Variants in VPS41 observed in about 807,000 individuals in gnomAD.
VPS41 encodes the protein VPS41 subunit of HOPS complex, also known as vacuolar protein sorting-associated protein 41 homolog.
VPS41 carries 85 observed loss-of-function variants against 130.9 expected under a neutral mutation model. The ratio of observed to expected loss-of-function variants is 0.65; its 90% CI spans 0.55 to 0.78. VPS41 has a LOEUF of 0.78. VPS41 is among the 30% of genes least tolerant of loss of function. The pLI is 0.00. For synonymous variants in VPS41, 335 were observed against 332.9 expected (o/e 1.01, Z -0.07); for missense variants, 874 against 1,018.7 (o/e 0.86, Z 1.93).
At chr7:38,738,136 C>A (rs889720460) in intron 25 of VPS41, among the ~76,000 whole-genome samples, 3 of 152,174 alleles carry the variant, frequency 2.0e-5, no homozygotes, top group Non-Finnish European at 1.5e-5. Flanking sequence ...CACCATGACA[C>A]CTCTTTAGAA....
chr7:38,724,836 C>T lies in VPS41; in HGVS notation c.*1410G>A, dbSNP rs1474912130. ...CGAACGTGCGATCTCAGGTGATCCA[C>T]CTGCCAAGGCCTCCCAAAGCCCTGG... On this transcript the variant is annotated 3_prime_UTR_variant, in exon 29 of 29. Coordinates refer to ENST00000310301, the MANE Select transcript of VPS41 (RefSeq NM_014396.4). 1 of 152,338 alleles carries T rather than the reference C, an allele frequency of 6.6e-6. No individual in the cohort carries two copies. The highest frequency in any genetic ancestry group is 1.5e-5 in the Non-Finnish European group (1 of 68,164). 9.4% of individuals were successfully genotyped at this position (152,338 alleles called of 1,614,324 possible). A position where few individuals can be genotyped will look rare whatever the true frequency, so the allele number is the denominator to read the frequency against.
At chr7:38,860,440 C>T (rs1209572485) in intron 4 of VPS41, among the ~76,000 whole-genome samples, 3 of 151,848 alleles carry the variant, frequency 2.0e-5, no homozygotes, top group African/African-American at 7.3e-5. Flanking sequence ...TCTGTGCTCC[C>T]TCCCAGGTCA....
chr7:38,887,724 T>C (rs944373583), intron 2 of VPS41, among the ~76,000 whole-genome samples: 1 of 151,906 alleles, frequency 6.6e-6, no homozygotes, highest in Non-Finnish European at 1.5e-5. Flanking sequence ...AGACACATAA[T>C]TGTCAGATTC....
intron 22 of VPS41, among the ~76,000 whole-genome samples, chr7:38,747,326 T>C (rs1796006901): frequency 6.6e-6 from 1 of 152,092 alleles, no homozygotes; most frequent in Admixed American, 6.5e-5. Context: ...CTAGATTTGT[T>C]CTGGGTGTTA....
At chr7:38,799,461 T>A (rs1369381313) in intron 7 of VPS41, among the ~76,000 whole-genome samples, 2 of 151,590 alleles carry the variant, frequency 1.3e-5, no homozygotes, top group Non-Finnish European at 2.9e-5. Context: ...ATCAAAGTTG[T>A]AAAAAAAAGG....
intron 10 of VPS41, among the ~76,000 whole-genome samples, chr7:38,784,650 G>A (rs887950431): frequency 2.2e-5 from 3 of 135,012 alleles, no homozygotes; most frequent in African/African-American, 5.3e-5. Context: ...AGGAGGGGGG[G>A]AGTTAGGGGG....
chr7:38,779,101 C>T (rs553190713), intron 10 of VPS41, among the ~76,000 whole-genome samples: 2 of 152,308 alleles, frequency 1.3e-5, no homozygotes, highest in Admixed American at 1.3e-4. Context: ...CTTCTCAATT[C>T]CAGATGTTGT....
chr7:38,861,471 C>T (rs572673284), intron 4 of VPS41, among the ~76,000 whole-genome samples: 1 of 152,262 alleles, frequency 6.6e-6, no homozygotes, highest in East Asian at 1.9e-4. Context: ...AAGTATATTC[C>T]TCTTGCCTCA....
At chr7:38,901,712 G>A (rs1297401865) in intron 1 of VPS41, among the ~76,000 whole-genome samples, 2 of 152,106 alleles carry the variant, frequency 1.3e-5, no homozygotes, top group African/African-American at 4.8e-5. Flanking sequence ...AACAATGTGA[G>A]TGTATTTAAT....
chr7:38,730,539 T>C (rs186063646), intron 25 of VPS41, among the ~76,000 whole-genome samples: 6 of 152,342 alleles, frequency 3.9e-5, no homozygotes, highest in Admixed American at 3.9e-4. Context: ...TGAAGTTTTA[T>C]TCTTTAAAAT....
rs572124102 is a variant in VPS41, at chr7:38,725,294, T to G, written c.*952A>C. 9.2e-5 allele frequency: 14 copies of G among 152,328 alleles called. No homozygotes were observed. 9.4% of individuals were successfully genotyped at this position (152,328 alleles called of 1,614,324 possible). On this transcript the variant is annotated 3_prime_UTR_variant, in exon 29 of 29. Transcript: ENST00000310301. ...CAATTACAAGTTTGACTTTTCTCCC[T>G]CTATGATATGCTCTGTTCCATGAGG... is the stretch of plus-strand genomic sequence containing the variant.
intron 4 of VPS41, among the ~76,000 whole-genome samples, chr7:38,847,175 C>T (rs1407364497): frequency 1.3e-5 from 2 of 152,240 alleles, no homozygotes; most frequent in East Asian, 3.9e-4. Context: ...AGGGACAATC[C>T]CTTCCATTCA....
chr7:38,877,577 T>G (rs1422803564), intron 2 of VPS41, among the ~76,000 whole-genome samples: 1 of 152,198 alleles, frequency 6.6e-6, no homozygotes, highest in Non-Finnish European at 1.5e-5. Context: ...TTATTTTGTT[T>G]GAGAGGAGAT....
intron 14 of VPS41, among the ~76,000 whole-genome samples, chr7:38,769,036 TACA>T (rs1242126190): frequency 6.6e-6 from 1 of 152,222 alleles, no homozygotes; most frequent in Admixed American, 6.5e-5. Flanking sequence ...TTTCACTCCC[TACA>T]ACATGTTCAG....
chr7:38,902,860 T>C (rs1022040211), intron 1 of VPS41, among the ~76,000 whole-genome samples: 2 of 152,206 alleles, frequency 1.3e-5, no homozygotes, highest in Non-Finnish European at 2.9e-5. Context: ...TTTACGTTTC[T>C]TCCCGTACCC....
intron 2 of VPS41, among the ~76,000 whole-genome samples, chr7:38,885,242 T>C (rs552080740): frequency 6.6e-6 from 1 of 152,214 alleles, no homozygotes; most frequent in South Asian, 2.1e-4. Context: ...CCCGGCTGAT[T>C]TTTTGTATTT....
chr7:38,752,126 A>T (rs746341779), intron 22 of VPS41, 50 bp downstream of exon 22: 1 of 1,609,918 alleles, frequency 6.2e-7, no homozygotes, highest in Non-Finnish European at 8.5e-7. Context: ...CTTACCATCA[A>T]TGACAACCTC....
rs139621345 is a variant in VPS41, at chr7:38,875,310, C to T, written c.61-6057G>A. On this transcript the variant is annotated intron_variant, in intron 2 of 28. Coordinates refer to ENST00000310301, the MANE Select transcript of VPS41 (RefSeq NM_014396.4). ...AGGACATCTCCAAATTTGTCACATT[C>T]GTATTAAAGTTTTCCATAAAGTGTA... Among the ~76,000 whole-genome samples the T allele has an allele frequency of 4.7e-3, 721 of 152,038 alleles. 6 individuals carry two copies. Among genetic ancestry groups the T allele is most frequent in the African/African-American group, 0.016 (671 of 41,488 alleles).
chr7:38,872,764 T>A (rs1786397922), intron 2 of VPS41, among the ~76,000 whole-genome samples: 1 of 152,062 alleles, frequency 6.6e-6, no homozygotes, highest in South Asian at 2.1e-4. Context: ...CTAAAAAATG[T>A]GAAAAAAGAA....
Sources: gnomAD v4.1 joint callset for allele counts (sites outside exome capture counted in the v4.1 genomes callset) on GRCh38, gnomAD v4.1.1 for gene constraint, MANE v1.5 for transcripts, NCBI Gene and HGNC (gene_info 2026-07-23, HGNC 2026-07-21) for gene names.